Variants in NAXE observed in about 807,000 individuals in gnomAD.
NAXE encodes NAD(P)H-hydrate epimerase.
NAXE carries 25 observed loss-of-function variants against 31.2 expected under a neutral mutation model. The ratio of observed to expected loss-of-function variants is 0.80; its 90% CI spans 0.58 to 1.12. NAXE has a LOEUF of 1.12. Ranked by LOEUF, NAXE falls within the 50% of genes most tolerant of loss-of-function variation. The pLI is 0.00. For synonymous variants in NAXE, 144 were observed against 154.5 expected (o/e 0.93, Z 0.50); for missense variants, 362 against 376.1 (o/e 0.96, Z 0.31).
At chr1:156,592,298 A>G in intron 2 of NAXE, 67 bp from the exon 3 acceptor site, 16 of 1,602,562 alleles carry the variant, frequency 1.0e-5, no homozygotes, top group Non-Finnish European at 1.4e-5. Flanking sequence ...GGTGGGAGAG[A>G]CAGCTGGGCC....
chr1:156,593,297 C>T, intron 4 of NAXE, 111 bp from the exon 5 acceptor site: 1 of 1,399,220 alleles, frequency 7.1e-7, no homozygotes, highest in Non-Finnish European at 9.6e-7. Context: ...CTGAATGAGA[C>T]ACAATACTTG....
At position 156,591,778 on chromosome 1, in the gene NAXE, G is replaced by GCCGGGCCGGGCCGGC. The variant is rs1216770027; in HGVS notation, c.-22_-21insCCGGGCCGGCCCGGG. 3 of 1,477,490 alleles carry GCCGGGCCGGGCCGGC rather than the reference G, an allele frequency of 2.0e-6. No homozygotes were observed. Among genetic ancestry groups the GCCGGGCCGGGCCGGC allele is most frequent in the Non-Finnish European group, 2.7e-6 (3 of 1,119,456 alleles). The allele number at this position is 1,477,490 out of a possible 1,614,324, so 91.5% of individuals were successfully genotyped here. A position where few individuals can be genotyped will look rare whatever the true frequency, so the allele number is the denominator to read the frequency against. On this transcript the variant is annotated 5_prime_UTR_variant, in exon 1 of 6. Transcript: ENST00000368235. ...CGCACATGCGCCGGGGCCGGGCCGG[G>GCCGGGCCGGGCCGGC]CCGGGGGCGCGCGCTCTGCGAGCTG...
chr1:156,592,357 G>T lies in NAXE; in HGVS notation c.292-8G>T. 1.2e-6 allele frequency: 2 copies of T among 1,613,754 alleles called. No homozygotes were observed. Among genetic ancestry groups the T allele is most frequent in the Non-Finnish European group, 1.7e-6 (2 of 1,179,770 alleles). ...ACCCCGCCGAACCACCCTTGACTCT[G>T]CCTTCAGGCATATCCCCCCACGTCC... is the stretch of plus-strand genomic sequence containing the variant. On this transcript the variant is annotated splice_region_variant and splice_polypyrimidine_tract_variant and intron_variant, in intron 2 of 5. Coordinates refer to ENST00000368235, the MANE Select transcript of NAXE (RefSeq NM_144772.3).
At position 156,591,821 on chromosome 1, in the gene NAXE, C is replaced by T. The variant is rs757663712; in HGVS notation, c.17C>T (p.Ala6Val). 29 of 1,600,890 alleles carry T rather than the reference C, an allele frequency of 1.8e-5. No homozygotes were observed. In the Admixed American group the frequency reaches 3.5e-4, roughly 19 times the overall value. MSRLR[A>V]LLGLGLLVAG... is the part of the protein sequence containing the mutation. Reference sequence around the variant, plus strand: ...GCGAGCTGGATGTCCAGGCTGCGGGCGCTGCTGGGCCTCGGGCTGCTGGTT... The same window carrying T: ...GCGAGCTGGATGTCCAGGCTGCGGGTGCTGCTGGGCCTCGGGCTGCTGGTT... The change falls in exon 1 of 6, where the codon GCG (alanine) becomes GTG (valine). Residue 6 changes from alanine (A) to valine (V), a missense_variant. Physicochemically the swap from Ala to Val is moderately conservative, Grantham distance 64 (BLOSUM62 0). Coordinates refer to ENST00000368235, the MANE Select transcript of NAXE (RefSeq NM_144772.3).
intron 4 of NAXE, 183 bp downstream of exon 4, chr1:156,592,853 ACAC>A: frequency 8.3e-6 from 5 of 600,296 alleles, no homozygotes; most frequent in African/African-American, 1.9e-5. Flanking sequence ...TGAGTCCCAC[ACAC>A]CACCTTCTCT....
intron 4 of NAXE, 67 bp from the exon 5 acceptor site, chr1:156,593,341 A>G: frequency 6.4e-7 from 1 of 1,556,238 alleles, no homozygotes; most frequent in Admixed American, 1.8e-5. Context: ...TGCAGAGGAC[A>G]GCCCTCTCCA....
At position 156,593,243 on chromosome 1, in the gene NAXE, A is replaced by C. The variant is rs931567673; in HGVS notation, c.517-165A>C. On this transcript the variant is annotated intron_variant, in intron 4 of 5. Coordinates refer to ENST00000368235, the MANE Select transcript of NAXE (RefSeq NM_144772.3). ...AACTGTCTGGTCTCAATTTGGCCTG[A>C]ATCAGTGACCAACTCACACTTTCTC... 5 of 889,746 alleles carry C rather than the reference A, an allele frequency of 5.6e-6. No individual in the cohort carries two copies. The African/African-American group carries it at 7.0e-5, about 12-fold the overall frequency. The allele number at this position is 889,746 out of a possible 1,614,324, so 55.1% of individuals were successfully genotyped here. A position where few individuals can be genotyped will look rare whatever the true frequency, so the allele number is the denominator to read the frequency against.
intron 2 of NAXE, 44 bp downstream of exon 2, chr1:156,592,253 G>A (rs753748888): frequency 6.2e-7 from 1 of 1,610,458 alleles, no homozygotes; most frequent in Non-Finnish European, 8.5e-7. Flanking sequence ...CCAGGGAGGA[G>A]TCACTGTCCC....
chr1:156,591,811 A>C lies in NAXE; in HGVS notation c.7A>C (p.Arg3=). 6.3e-7 allele frequency: 1 copy of C among 1,593,412 alleles called. No individual in the cohort carries two copies. The highest frequency in any genetic ancestry group is 8.5e-7 in the Non-Finnish European group (1 of 1,174,700). ...CGCGCGCTCTGCGAGCTGGATGTCC[A>C]GGCTGCGGGCGCTGCTGGGCCTCGG... MS[R]LRALLGLGLL... Residue 3 remains arginine, a synonymous_variant, in exon 1 of 6, where the codon AGG becomes CGG. Coordinates refer to ENST00000368235, the MANE Select transcript of NAXE (RefSeq NM_144772.3).
rs772415082 is a variant in NAXE, at chr1:156,592,457, T to C, written c.384T>C (p.Ala128=). 1.2e-6 allele frequency: 2 copies of C among 1,614,082 alleles called. No homozygotes were observed. Among genetic ancestry groups the C allele is most frequent in the Non-Finnish European group, 1.7e-6 (2 of 1,180,002 alleles). The change falls in exon 3 of 6, where the codon GCT becomes GCC. Residue 128 remains alanine, a synonymous_variant. Transcript: ENST00000368235. ...ATGGAGGAGATGGTCTGGTCTGTGCTCGACACCTCAAACTCTTTGTGAGTA... is the reference window on the plus strand; with the variant it reads ...ATGGAGGAGATGGTCTGGTCTGTGCCCGACACCTCAAACTCTTTGTGAGTA... ...GNNGGDGLVC[A]RHLKLFGYEP...
Position 156,593,232 on chromosome 1 carries a change from A to C in NAXE, c.517-176A>C. 4.0e-6 allele frequency: 3 copies of C among 750,956 alleles called. 1 individual carries two copies. In the South Asian group the frequency reaches 7.4e-5, roughly 19 times the overall value. The allele number at this position is 750,956 out of a possible 1,614,324, so 46.5% of individuals were successfully genotyped here. ...CCGAGAACAAAAACTGTCTGGTCTCAATTTGGCCTGAATCAGTGACCAACT... is the reference window on the plus strand; with the variant it reads ...CCGAGAACAAAAACTGTCTGGTCTCCATTTGGCCTGAATCAGTGACCAACT... On this transcript the variant is annotated intron_variant, in intron 4 of 5. Coordinates refer to ENST00000368235, the MANE Select transcript of NAXE (RefSeq NM_144772.3).
rs750794930 is a variant in NAXE, at chr1:156,592,011, G to C, written c.182+25G>C. ...GGTAGGCACGGGTCTCGGGTGGCCTGCTCTGCCCCGGGGCGGGGCCTGGGA... is the reference window on the plus strand; with the variant it reads ...GGTAGGCACGGGTCTCGGGTGGCCTCCTCTGCCCCGGGGCGGGGCCTGGGA... On this transcript the variant is annotated intron_variant, in intron 1 of 5. Transcript: ENST00000368235. 9.3e-6 allele frequency: 15 copies of C among 1,613,516 alleles called. No homozygotes were observed. In the South Asian group the frequency reaches 1.1e-4, roughly 12 times the overall value.
Position 156,592,542 on chromosome 1 carries a change from C to G in NAXE, c.403-15C>G. Reference sequence around the variant, plus strand: ...GGCTCTGGGATCTGGGGTTGAATTACCACTTTCTTCCTAGGGCTACGAGCC... The same window carrying G: ...GGCTCTGGGATCTGGGGTTGAATTAGCACTTTCTTCCTAGGGCTACGAGCC... On this transcript the variant is annotated splice_polypyrimidine_tract_variant and intron_variant, in intron 3 of 5. Transcript: ENST00000368235. 6.2e-7 allele frequency: 1 copy of G among 1,613,718 alleles called. No homozygotes were observed. Among genetic ancestry groups the G allele is most frequent in the Non-Finnish European group, 8.5e-7 (1 of 1,179,658 alleles).
intron 5 of NAXE, 34 bp downstream of exon 5, chr1:156,593,589 T>G: frequency 6.2e-7 from 1 of 1,613,514 alleles, no homozygotes; most frequent in Non-Finnish European, 8.5e-7. Context: ...TGGGGGAGAT[T>G]GGGGCCCTAC....
intron 4 of NAXE, 74 bp downstream of exon 4, chr1:156,592,744 A>G: frequency 7.2e-7 from 1 of 1,390,214 alleles, no homozygotes; most frequent in South Asian, 1.2e-5. Context: ...TCGTGTTTCC[A>G]GGCTGAGCTC....
rs770303456 is a variant in NAXE, at chr1:156,592,098, C to T, written c.183-3C>T. 1.2e-6 allele frequency: 2 copies of T among 1,614,228 alleles called. No homozygotes were observed. The highest frequency in any genetic ancestry group is 1.1e-5 in the South Asian group (1 of 91,078). On this transcript the variant is annotated splice_region_variant and splice_polypyrimidine_tract_variant and intron_variant, in intron 1 of 5. Transcript: ENST00000368235. ...CGGGACTCAGGCCGCGGGTTTTCCT[C>T]AGCCAGGAGGAGGCCCAGGCCGTGG...
Position 156,591,873 on chromosome 1 carries a change from A to C in NAXE, c.69A>C (p.Lys23Asn), listed in dbSNP as rs2102488856. Residue 23 changes from lysine to asparagine, a missense_variant, in exon 1 of 6, where the codon AAA becomes AAC. Physicochemically the swap from Lys to Asn is moderately conservative, Grantham distance 94. Transcript: ENST00000368235. ...CGGGCTCGCGCGTGCCGCGGATCAA[A>C]AGCCAGACCATCGCCTGTCGCTCGG... ...LVAGSRVPRI[K>N]SQTIACRSGP... The C allele has an allele frequency of 6.2e-7, 1 of 1,612,216 alleles. No homozygotes were observed. The highest frequency in any genetic ancestry group is 1.7e-5 in the Admixed American group (1 of 59,984).
Position 156,591,795 on chromosome 1 carries a change from T to A in NAXE, c.-10T>A. The A allele has an allele frequency of 2.6e-6, 4 of 1,520,998 alleles. No homozygotes were observed. The highest frequency in any genetic ancestry group is 3.5e-6 in the Non-Finnish European group (4 of 1,143,968). The allele number at this position is 1,520,998 out of a possible 1,614,324, so 94.2% of individuals were successfully genotyped here. ...CGGGCCGGGCCGGGGGCGCGCGCTC[T>A]GCGAGCTGGATGTCCAGGCTGCGGG... On this transcript the variant is annotated 5_prime_UTR_variant, in exon 1 of 6. Transcript: ENST00000368235.
rs747314769 is a variant in NAXE at position 156,592,546 on chromosome 1, T to C, written c.403-11T>C. 1 of 1,613,804 alleles carries C rather than the reference T, an allele frequency of 6.2e-7. No homozygotes were observed. The highest frequency in any genetic ancestry group is 2.2e-5 in the East Asian group (1 of 44,898). On this transcript the variant is annotated splice_polypyrimidine_tract_variant and intron_variant, in intron 3 of 5. Transcript: ENST00000368235. Reference sequence around the variant, plus strand: ...CTGGGATCTGGGGTTGAATTACCACTTTCTTCCTAGGGCTACGAGCCAACC... The same window carrying C: ...CTGGGATCTGGGGTTGAATTACCACCTTCTTCCTAGGGCTACGAGCCAACC...
Sources: gnomAD v4.1 joint callset for allele counts on GRCh38, gnomAD v4.1.1 for gene constraint, MANE v1.5 for transcripts, NCBI Gene and HGNC (gene_info 2026-07-23, HGNC 2026-07-21) for gene names.